Variants in LDLRAD4 observed in about 807,000 individuals in gnomAD.
LDLRAD4 encodes the protein low density lipoprotein receptor class A domain containing 4.
In LDLRAD4, 5 loss-of-function variants were observed where a neutral mutation model predicts 17.0. That is an observed-to-expected ratio of 0.29 (90% CI 0.15 to 0.62). The LOEUF (loss-of-function observed/expected upper bound fraction) is 0.62. Among genes scored for constraint, LDLRAD4 ranks in the 20% least tolerant of loss-of-function variants. LDLRAD4 has a pLI of 0.84. For synonymous variants in LDLRAD4, 168 were observed against 171.8 expected (o/e 0.98, Z 0.17); for missense variants, 340 against 424.7 (o/e 0.80, Z 1.75).
intron 3 of LDLRAD4, among the ~76,000 whole-genome samples, chr18:13,573,773 T>G (rs1459856400): frequency 6.6e-5 from 10 of 152,122 alleles, no homozygotes; most frequent in African/African-American, 2.4e-4. Flanking sequence ...CAGAGAACAA[T>G]CTGGGTAAAG....
At chr18:13,353,239 C>T (rs1356717946) in intron 1 of LDLRAD4, among the ~76,000 whole-genome samples, 1 of 152,098 alleles carries the variant, frequency 6.6e-6, no homozygotes, top group Non-Finnish European at 1.5e-5. Flanking sequence ...ACCACTTCCT[C>T]CTGTCTTTCT....
intron 2 of LDLRAD4, among the ~76,000 whole-genome samples, chr18:13,400,239 G>C (rs1277448213): frequency 6.6e-6 from 1 of 152,250 alleles, no homozygotes; most frequent in African/African-American, 2.4e-5. Flanking sequence ...CACTTGCACA[G>C]TTAGTTTATT....
chr18:13,225,977 T>C (rs773582609), intron 1 of LDLRAD4, among the ~76,000 whole-genome samples: 5 of 152,072 alleles, frequency 3.3e-5, no homozygotes, highest in African/African-American at 4.8e-5. Context: ...TATGATTGCA[T>C]TGAACGTCTT....
chr18:13,286,223 A>G (rs768581815), intron 1 of LDLRAD4, among the ~76,000 whole-genome samples: 1 of 152,260 alleles, frequency 6.6e-6, no homozygotes, highest in African/African-American at 2.4e-5. Context: ...TTCACTTAGC[A>G]TAAAGTCTTC....
At chr18:13,637,119 TTTG>T (rs1328419896) in intron 4 of LDLRAD4, among the ~76,000 whole-genome samples, 5 of 152,036 alleles carry the variant, frequency 3.3e-5, no homozygotes, top group South Asian at 2.1e-4. Context: ...TTGTTTTGTT[TTTG>T]TTGTTGTTGT....
chr18:13,250,447 G>A (rs1363187777), intron 1 of LDLRAD4, among the ~76,000 whole-genome samples: 1 of 152,006 alleles, frequency 6.6e-6, no homozygotes, highest in African/African-American at 2.4e-5. Flanking sequence ...GAAACAAAAA[G>A]TTGGATTTTG....
At chr18:13,424,615 C>T (rs1034166956) in intron 2 of LDLRAD4, among the ~76,000 whole-genome samples, 3 of 152,104 alleles carry the variant, frequency 2.0e-5, no homozygotes, top group African/African-American at 4.8e-5. Flanking sequence ...AACATGGAAG[C>T]GGTGGTACTC....
At chr18:13,493,824 G>A (rs1036573225) in intron 3 of LDLRAD4, among the ~76,000 whole-genome samples, 1 of 152,188 alleles carries the variant, frequency 6.6e-6, no homozygotes, top group African/African-American at 2.4e-5. Flanking sequence ...CAGCCGTGCC[G>A]TCCCTGCCTC....
At position 13,392,007 on chromosome 18, in the gene LDLRAD4, C is replaced by T. The variant is rs185332281; in HGVS notation, c.40+4245C>T. ...TGATGAACACCTTTGTGCATAAAAG[C>T]TCTTCTGTATATTTGATTATTTCCT... On this transcript the variant is annotated intron_variant, in intron 2 of 5. Coordinates refer to ENST00000359446, the Ensembl canonical transcript of LDLRAD4. 3.2e-3 allele frequency among the ~76,000 whole-genome samples: 483 copies of T among 152,330 alleles called. 1 individual carries two copies. Among genetic ancestry groups the T allele is most frequent in the Non-Finnish European group, 5.9e-3 (401 of 68,034 alleles).
intron 2 of LDLRAD4, among the ~76,000 whole-genome samples, chr18:13,417,435 CTTT>C (rs58522143): frequency 4.3e-5 from 6 of 139,308 alleles, no homozygotes. Context: ...TGCTGTTTTT[CTTT>C]TTTTTTTTTT....
At chr18:13,449,516 T>TA (rs1335764649) in intron 3 of LDLRAD4, among the ~76,000 whole-genome samples, 11 of 152,232 alleles carry the variant, frequency 7.2e-5, no homozygotes, top group Admixed American at 6.5e-5. Context: ...CCCAGGCTCA[T>TA]ACGTGTGCTT....
At chr18:13,578,393 A>G (rs1442331532) in intron 3 of LDLRAD4, among the ~76,000 whole-genome samples, 2 of 152,190 alleles carry the variant, frequency 1.3e-5, no homozygotes, top group Non-Finnish European at 2.9e-5. Context: ...TCCTTGTCTC[A>G]GGAGATGGGG....
intron 1 of LDLRAD4, among the ~76,000 whole-genome samples, chr18:13,346,377 T>C (rs2082688775): frequency 6.6e-6 from 1 of 152,202 alleles, no homozygotes; most frequent in Non-Finnish European, 1.5e-5. Flanking sequence ...TTCCATGTAG[T>C]TGAGTGGTTT....
Position 13,621,238 on chromosome 18 carries a change from C to A in LDLRAD4, c.303C>A (p.Asn101Lys). 1 of 1,613,732 alleles carries A rather than the reference C, an allele frequency of 6.2e-7. No homozygotes were observed. Among genetic ancestry groups the A allele is most frequent in the South Asian group, 1.1e-5 (1 of 91,092 alleles). ...CGCGGTCCTTCATCAACCGCCCGAA[C>A]CAGAGCCGGAGGCGGGAGGACGGGC... Residue 101 changes from asparagine (N) to lysine (K), a missense_variant, in exon 4 of 6, where the codon AAC becomes AAA. Transcript: ENST00000359446. The surrounding 1 kb of genome is among the most constrained non-coding windows in gnomAD (Gnocchi z 5.5).
rs537479918 is a variant in LDLRAD4 at position 13,419,105 on chromosome 18, G to A, written c.41-19139G>A. On this transcript the variant is annotated intron_variant, in intron 2 of 5. Transcript: ENST00000359446. ...TTATAGAATCATTAAGGGTCTGAAG[G>A]AGTTCCTTAAATTTTTAGTTATACT... Among the ~76,000 whole-genome samples, 88 of 152,268 alleles carry A rather than the reference G, an allele frequency of 5.8e-4. 1 individual carries two copies. Among genetic ancestry groups the A allele is most frequent in the African/African-American group, 2.0e-3 (84 of 41,564 alleles).
intron 2 of LDLRAD4, among the ~76,000 whole-genome samples, chr18:13,408,256 C>T (rs1013223140): frequency 2.3e-4 from 35 of 151,600 alleles, no homozygotes; most frequent in African/African-American, 8.5e-4. Context: ...GGCCTGTAGT[C>T]CCAGCTACTT....
intron 3 of LDLRAD4, among the ~76,000 whole-genome samples, chr18:13,566,056 G>T (rs2094597199): frequency 6.6e-6 from 1 of 152,214 alleles, no homozygotes; most frequent in South Asian, 2.1e-4. Flanking sequence ...TGGGGACACA[G>T]AAATGCTCCC....
chr18:13,366,892 C>T (rs922254046), intron 1 of LDLRAD4, among the ~76,000 whole-genome samples: 21 of 152,210 alleles, frequency 1.4e-4, no homozygotes, highest in African/African-American at 4.1e-4. Context: ...CTTGTCAGTG[C>T]GTTGAAGCCT....
At chr18:13,466,766 A>T (rs1600563412) in intron 3 of LDLRAD4, among the ~76,000 whole-genome samples, 1 of 152,328 alleles carries the variant, frequency 6.6e-6, no homozygotes, top group East Asian at 1.9e-4. Flanking sequence ...AGATCGGGGC[A>T]CCACCAGATT....
Sources: gnomAD v4.1 joint callset for allele counts (sites outside exome capture counted in the v4.1 genomes callset) on GRCh38, gnomAD v4.1.1 for gene constraint, Gnocchi (gnomAD v3.1) non-coding constraint, MANE v1.5 for transcripts, NCBI Gene and HGNC (gene_info 2026-07-23, HGNC 2026-07-21) for gene names.